TYSND1: variants seen among roughly 807,000 people sequenced by gnomAD.
TYSND1 encodes the protein trypsin like peroxisomal matrix peptidase 1.
In TYSND1, 30 loss-of-function variants were observed where a neutral mutation model predicts 37.2. The ratio of observed to expected loss-of-function variants is 0.81; its 90% CI spans 0.60 to 1.09. The LOEUF (loss-of-function observed/expected upper bound fraction) is 1.09, where lower values mean the gene tolerates loss of function less well. Among genes scored for constraint, TYSND1 ranks in the 50% least tolerant of loss-of-function variants. The probability of loss-of-function intolerance (pLI) is 0.00; values close to 1 mark genes in which losing one functional copy is unlikely to be tolerated. For missense variants in TYSND1, 806 were observed against 817.4 expected, an observed-to-expected ratio of 0.99 and a Z score of 0.17; for synonymous variants, 364 against 383.8, an observed-to-expected ratio of 0.95 and a Z score of 0.60.
rs1338596972 is a variant in TYSND1 at position 70,138,300 on chromosome 10, C to T, written c.*1624G>A. The stretch of plus-strand genomic sequence containing the variant: ...ATACCCAGAGGTCAGAGGCCTGTCC[C>T]AAGCCCTAACATACCCAGTATTCTA... On this transcript the variant is annotated 3_prime_UTR_variant, in exon 4 of 4. Transcript: ENST00000287078. The T allele has an allele frequency of 6.6e-6, 1 of 152,210 alleles. No individual in the cohort carries two copies. The highest frequency in any genetic ancestry group is 1.5e-5 in the Non-Finnish European group (1 of 68,034). 9.4% of individuals were successfully genotyped at this position (152,210 alleles called of 1,614,324 possible). A position where few individuals can be genotyped will look rare whatever the true frequency, so the allele number is the denominator to read the frequency against.
At position 70,145,596 on chromosome 10, in the gene TYSND1, G is replaced by C. The variant is rs1003197408; in HGVS notation, c.991C>G (p.Pro331Ala). The change falls in exon 1 of 4, where the codon CCG becomes GCG. Residue 331 changes from proline to alanine, a missense_variant. Pro to Ala is a conservative substitution (Grantham distance 27). Coordinates refer to ENST00000287078, the MANE Select transcript of TYSND1 (RefSeq NM_173555.4). ...AALLPPEVGV[P>A]WGLPLRDSGP... is the part of the protein sequence containing the mutation. Reference sequence around the variant, plus strand: ...GAGTCTCGGAGGGGCAGACCCCACGGGACGCCCACCTCTGGCGGCAGAAGG... The same window carrying C: ...GAGTCTCGGAGGGGCAGACCCCACGCGACGCCCACCTCTGGCGGCAGAAGG... 4.8e-6 allele frequency: 7 copies of C among 1,451,846 alleles called. No individual in the cohort carries two copies. The East Asian group carries it at 2.0e-4, about 42-fold the overall frequency. The allele number at this position is 1,451,846 out of a possible 1,614,324, so 89.9% of individuals were successfully genotyped here.
At position 70,142,730 on chromosome 10, in the gene TYSND1, C is replaced by T. The variant is rs2072802079; in HGVS notation, c.1421G>A (p.Cys474Tyr). The T allele has an allele frequency of 6.2e-7, 1 of 1,613,392 alleles. No individual in the cohort carries two copies. Among genetic ancestry groups the T allele is most frequent in the Non-Finnish European group, 8.5e-7 (1 of 1,179,818 alleles). ...NGTPVMLQTT[C>Y]AVHSGSSGGP... ...CCCACTGGAGCCGCTGTGCACAGCA[C>T]ACGTGGTCTGCAGCATTACGGGCGT... is the stretch of plus-strand genomic sequence containing the variant. The change falls in exon 3 of 4, where the codon TGT becomes TAT. Residue 474 changes from cysteine to tyrosine, a missense_variant. By Grantham distance (194) the Cys-to-Tyr change is radical (BLOSUM62 -2). This residue lies in a region of TYSND1 where 708 missense variants were observed against 705.4 expected (regional missense o/e 1.00). Coordinates refer to ENST00000287078, the MANE Select transcript of TYSND1 (RefSeq NM_173555.4).
At chr10:70,144,331 A>C (rs2072840496) in intron 1 of TYSND1, 8 of 428,932 alleles carry the variant, frequency 1.9e-5, no homozygotes, top group Non-Finnish European at 2.6e-5. Flanking sequence ...AGGCCCAGAG[A>C]CGCTCAGTAA....
rs954213350 is a variant in TYSND1, at chr10:70,145,651, G to A, written c.936C>T (p.Arg312=). The change falls in exon 1 of 4, where the codon CGC becomes CGT. Residue 312 remains arginine (R), a synonymous_variant. Transcript: ENST00000287078. ...LFRAARDALH[R]LPHSTAALAA... ...CCAGGGCAGCGGTGCTGTGCGGCAG[G>A]CGGTGAAGCGCGTCGCGGGCGGCGC... 1.4e-6 allele frequency: 2 copies of A among 1,395,808 alleles called. No individual in the cohort carries two copies. Among genetic ancestry groups the A allele is most frequent in the Non-Finnish European group, 1.8e-6 (2 of 1,084,626 alleles). 86.5% of individuals were successfully genotyped at this position (1,395,808 alleles called of 1,614,324 possible).
At position 70,143,872 on chromosome 10, in the gene TYSND1, T is replaced by C; in HGVS notation, c.1267A>G (p.Ile423Val). Residue 423 changes from isoleucine (I) to valine (V), a missense_variant, in exon 2 of 4, where the codon ATC becomes GTC. Ile to Val is a conservative substitution (Grantham distance 29, BLOSUM62 3). Around this residue, in one of 3 missense-constraint regions of TYSND1, gnomAD observed 708 missense variants for 705.4 expected, o/e 1.00. Coordinates refer to ENST00000287078, the MANE Select transcript of TYSND1 (RefSeq NM_173555.4). ...TGGAAGTGCTCAGCGGGCACAGGGA[T>C]GGGGACATCATCCAGGTCCTCCTCC... ...SLEEDLDDVPIPVPAEHFHEG... is the reference protein window; with the variant it reads ...SLEEDLDDVPVPVPAEHFHEG... 1 of 1,614,200 alleles carries C rather than the reference T, an allele frequency of 6.2e-7. No individual in the cohort carries two copies. The highest frequency in any genetic ancestry group is 8.5e-7 in the Non-Finnish European group (1 of 1,180,038).
intron 3 of TYSND1, among the ~76,000 whole-genome samples, chr10:70,140,806 C>T (rs2072758480): frequency 6.6e-6 from 1 of 152,172 alleles, no homozygotes; most frequent in Non-Finnish European, 1.5e-5. Flanking sequence ...ACTAGTTTTT[C>T]CACTAATGTC....
intron 1 of TYSND1, chr10:70,144,586 G>C (rs569020503): frequency 1.0e-6 from 1 of 986,622 alleles, no homozygotes; most frequent in African/African-American, 1.7e-5. Flanking sequence ...GACTTGCCCG[G>C]GATCAGACAG....
intron 2 of TYSND1, among the ~76,000 whole-genome samples, chr10:70,143,093 C>A (rs563460981): frequency 1.3e-5 from 2 of 152,346 alleles, no homozygotes; most frequent in Non-Finnish European, 1.5e-5. Context: ...CAGGCTGTTC[C>A]CTAGTCCTTG....
Position 70,146,328 on chromosome 10 carries a change from A to T in TYSND1, c.259T>A (p.Trp87Arg). ...CRDDLRLHVQ[W>R]APTAAGPGGG... is the part of the protein sequence containing the mutation. ...CCGGGACCCGCGGCCGTTGGGGCCC[A>T]CTGCACGTGCAGGCGCAGGTCGTCC... Residue 87 changes from tryptophan (W) to arginine (R), a missense_variant, in exon 1 of 4, where the codon TGG (tryptophan) becomes AGG (arginine). Transcript: ENST00000287078. The T allele has an allele frequency of 6.6e-7, 1 of 1,523,678 alleles. No individual in the cohort carries two copies. Among genetic ancestry groups the T allele is most frequent in the Non-Finnish European group, 8.8e-7 (1 of 1,142,320 alleles). 94.4% of individuals were successfully genotyped at this position (1,523,678 alleles called of 1,614,324 possible). A position where few individuals can be genotyped will look rare whatever the true frequency, so the allele number is the denominator to read the frequency against.
rs547916571 is a variant in TYSND1, at chr10:70,139,769, A to G, written c.*155T>C. ...GGGGCTGAAGAGAAGTTTGCCCCAG[A>G]GCCCAAAGCCCAGTCTGCAGTCAGT... On this transcript the variant is annotated 3_prime_UTR_variant, in exon 4 of 4. Transcript: ENST00000287078. 1.3e-5 allele frequency: 9 copies of G among 712,120 alleles called. No homozygotes were observed. The highest frequency in any genetic ancestry group is 1.1e-4 in the African/African-American group (6 of 55,882). The allele number at this position is 712,120 out of a possible 1,614,324, so 44.1% of individuals were successfully genotyped here. A position where few individuals can be genotyped will look rare whatever the true frequency, so the allele number is the denominator to read the frequency against.
In TYSND1 at chr10:70,146,389, C is replaced by T; in HGVS notation, c.198G>A (p.Ala66=). 2.5e-6 allele frequency: 4 copies of T among 1,580,804 alleles called. No individual in the cohort carries two copies. The highest frequency in any genetic ancestry group is 1.7e-6 in the Non-Finnish European group (2 of 1,169,470). Reference sequence around the variant, plus strand: ...CGCCAGGCAGGAAGACGGCGCCGGCCGCGGTCAGGACTTCGCTGCCAGCTC... The same window carrying T: ...CGCCAGGCAGGAAGACGGCGCCGGCTGCGGTCAGGACTTCGCTGCCAGCTC... ...FLRAGSEVLT[A]AGAVFLPGDS... is the part of the protein sequence containing the mutation. The change falls in exon 1 of 4, where the codon GCG becomes GCA. Residue 66 remains alanine (A), a synonymous_variant. Coordinates refer to ENST00000287078, the MANE Select transcript of TYSND1 (RefSeq NM_173555.4).
chr10:70,145,699 G>C lies in TYSND1; in HGVS notation c.888C>G (p.Leu296=). Residue 296 remains leucine (L), a synonymous_variant, in exon 1 of 4, where the codon CTC becomes CTG. Transcript: ENST00000287078. ...CGCGGAAAAGGGGGGCGGCGGCGCA[G>C]AGCAGCGTGAAGCCCACCCATTCGC... ...KAGEWVGFTL[L]CAAAPLFRAA... is the part of the protein sequence containing the mutation. 7.1e-7 allele frequency: 1 copy of C among 1,407,720 alleles called. No individual in the cohort carries two copies. 87.2% of individuals were successfully genotyped at this position (1,407,720 alleles called of 1,614,324 possible).
Position 70,139,694 on chromosome 10 carries a change from TG to T in TYSND1, c.*229del, listed in dbSNP as rs1200473910. On this transcript the variant is annotated 3_prime_UTR_variant, in exon 4 of 4. Coordinates refer to ENST00000287078, the MANE Select transcript of TYSND1 (RefSeq NM_173555.4). ...AGTCTAGTGCTAGGGGACAGAGAAC[TG>T]GGGGCTCAAGAAAGCACCCCAAAAC... is the stretch of plus-strand genomic sequence containing the variant. The T allele has an allele frequency of 2.6e-5, 14 of 537,358 alleles. No individual in the cohort carries two copies. The East Asian group carries it at 4.0e-4, about 15-fold the overall frequency. 33.3% of individuals were successfully genotyped at this position (537,358 alleles called of 1,614,324 possible).
At chr10:70,141,060 C>G (rs1028299464) in intron 3 of TYSND1, among the ~76,000 whole-genome samples, 1 of 151,014 alleles carries the variant, frequency 6.6e-6, no homozygotes, top group African/African-American at 2.4e-5. Context: ...TTATAGCTCA[C>G]TGCAACCTCA....
At position 70,139,863 on chromosome 10, in the gene TYSND1, T is replaced by C; in HGVS notation, c.*61A>G. ...CCTGAATCCTGAGGCCACCGTCACC[T>C]CAACATCACTTCCTACAGCAGAAAA... On this transcript the variant is annotated 3_prime_UTR_variant, in exon 4 of 4. Transcript: ENST00000287078. 6.5e-7 allele frequency: 1 copy of C among 1,529,734 alleles called. No individual in the cohort carries two copies. Among genetic ancestry groups the C allele is most frequent in the Non-Finnish European group, 8.9e-7 (1 of 1,124,854 alleles). 94.8% of individuals were successfully genotyped at this position (1,529,734 alleles called of 1,614,324 possible).
intron 1 of TYSND1, 91 bp from the exon 2 acceptor site, chr10:70,144,063 G>A (rs1348146538): frequency 3.3e-6 from 5 of 1,538,402 alleles, no homozygotes; most frequent in East Asian, 2.3e-5. Context: ...GTAAAAGTCA[G>A]AAGATCTGGG....
chr10:70,146,425 G>A lies in TYSND1; in HGVS notation c.162C>T (p.Val54=). The A allele has an allele frequency of 6.2e-7, 1 of 1,602,070 alleles. No homozygotes were observed. The highest frequency in any genetic ancestry group is 8.5e-7 in the Non-Finnish European group (1 of 1,178,184). ...CTTCGCTGCCAGCTCGCAGGAAGGG[G>A]ACGAAGATGCCCCCGTGGCAAAGCA... ...GLVLCHGGIF[V]PFLRAGSEVL... is the part of the protein sequence containing the mutation. Residue 54 remains valine, a synonymous_variant, in exon 1 of 4, where the codon GTC becomes GTT. Coordinates refer to ENST00000287078, the MANE Select transcript of TYSND1 (RefSeq NM_173555.4).
chr10:70,140,970 GT>G (rs61034867), intron 3 of TYSND1, among the ~76,000 whole-genome samples: 107,038 of 149,446 alleles, frequency 0.72, 39,248 homozygotes, highest in Non-Finnish European at 0.81. Flanking sequence ...TTTATTTACA[GT>G]TTTTTTTTTT....
chr10:70,145,530 C>G lies in TYSND1; in HGVS notation c.1057G>C (p.Gly353Arg), dbSNP rs750844425. The part of the protein sequence containing the change: ...WAAAAVLVEC[G>R]TVWGSGVAVA... ...GCCACTCCGGAGCCCCATACGGTGC[C>G]GCACTCCACCAACACTGCCGCGGCT... Residue 353 changes from glycine to arginine, a missense_variant, in exon 1 of 4, where the codon GGC becomes CGC. Physicochemically the swap from Gly to Arg is moderately radical, Grantham distance 125. This residue lies in a region of TYSND1 where 708 missense variants were observed against 705.4 expected (regional missense o/e 1.00). Transcript: ENST00000287078. 48 of 1,519,196 alleles carry G rather than the reference C, an allele frequency of 3.2e-5. No homozygotes were observed. Among genetic ancestry groups the G allele is most frequent in the Admixed American group, 6.1e-5 (3 of 48,972 alleles). 94.1% of individuals were successfully genotyped at this position (1,519,196 alleles called of 1,614,324 possible). A position where few individuals can be genotyped will look rare whatever the true frequency, so the allele number is the denominator to read the frequency against.
Sources: gnomAD v4.1 joint callset for allele counts (sites outside exome capture counted in the v4.1 genomes callset) on GRCh38, gnomAD v4.1.1 for gene constraint, gnomAD v4.1.1 regional missense constraint, MANE v1.5 for transcripts, NCBI Gene and HGNC (gene_info 2026-07-23, HGNC 2026-07-21) for gene names.